The following HFM1 variants were observed in gnomAD, a reference collection of about 807,000 sequenced individuals.
HFM1 encodes the protein helicase for meiosis 1, also known as probable ATP-dependent DNA helicase HFM1.
HFM1 carries 169 observed loss-of-function variants against 192.1 expected under a neutral mutation model. That is an observed-to-expected ratio of 0.88 (90% CI 0.78 to 1.00). HFM1 has a LOEUF of 1.00. Among genes scored for constraint, HFM1 ranks in the 50% least tolerant of loss-of-function variants. The probability of loss-of-function intolerance (pLI) is 0.00; values close to 1 mark genes in which losing one functional copy is unlikely to be tolerated. For synonymous variants in HFM1, 525 were observed against 537.8 expected (o/e 0.98, Z 0.33); for missense variants, 1,661 against 1,668.0 (o/e 1.00, Z 0.07).
intron 13 of HFM1, among the ~76,000 whole-genome samples, chr1:91,362,830 C>G (rs2101841095): frequency 6.6e-6 from 1 of 152,204 alleles, no homozygotes; most frequent in South Asian, 2.1e-4. Context: ...AGAACAGACA[C>G]ATAGACCAAA....
chr1:91,368,536 C>G (rs1659707882), intron 13 of HFM1, among the ~76,000 whole-genome samples: 1 of 152,148 alleles, frequency 6.6e-6, no homozygotes, highest in African/African-American at 2.4e-5. Flanking sequence ...CCTTTACAGA[C>G]AAGCAAATGC....
Position 91,319,181 on chromosome 1 carries a change from T to C in HFM1, c.2709A>G (p.Glu903=). 2 of 1,608,918 alleles carry C rather than the reference T, an allele frequency of 1.2e-6. No individual in the cohort carries two copies. The highest frequency in any genetic ancestry group is 1.7e-6 in the Non-Finnish European group (2 of 1,178,644). Reference sequence around the variant, plus strand: ...TATTCAATAGTACAGCAAACTTCTTTTCTTGAGCAGCTACAAAATCTGACA... The same window carrying C: ...TATTCAATAGTACAGCAAACTTCTTCTCTTGAGCAGCTACAAAATCTGACA... ...RWLSDFVAAQ[E]KKFAVLLNSL... The change falls in exon 25 of 39, where the codon GAA becomes GAG. Residue 903 remains glutamate, a synonymous_variant. Coordinates refer to ENST00000370425, the MANE Select transcript of HFM1 (RefSeq NM_001017975.6).
At position 91,313,946 on chromosome 1, in the gene HFM1, A is replaced by T; in HGVS notation, c.3244+11T>A. On this transcript the variant is annotated intron_variant, in intron 29 of 38. Coordinates refer to ENST00000370425, the MANE Select transcript of HFM1 (RefSeq NM_001017975.6). ...TTTATATTCATGTCTTCATTACTTC[A>T]ATTAACTTACCAAATTCAGAACTTA... 5.6e-6 allele frequency: 8 copies of T among 1,429,694 alleles called. No individual in the cohort carries two copies. The highest frequency in any genetic ancestry group is 3.9e-6 in the Non-Finnish European group (4 of 1,022,522). 88.6% of individuals were successfully genotyped at this position (1,429,694 alleles called of 1,614,324 possible).
Position 91,398,763 on chromosome 1 carries a change from G to A in HFM1, c.71+2249C>T, listed in dbSNP as rs12022638. On this transcript the variant is annotated intron_variant, in intron 2 of 38. Coordinates refer to ENST00000370425, the MANE Select transcript of HFM1 (RefSeq NM_001017975.6). ...GTTGGAGTGCAGTGGCCAGATCTCA[G>A]ATCACCACAACCTCCACCTCCTGGG... Among the ~76,000 whole-genome samples, 4 of 151,534 alleles carry A rather than the reference G, an allele frequency of 2.6e-5. No individual in the cohort carries two copies. In the East Asian group the frequency reaches 7.8e-4, roughly 29 times the overall value.
intron 13 of HFM1, among the ~76,000 whole-genome samples, chr1:91,369,223 T>C (rs901454930): frequency 6.6e-6 from 1 of 152,108 alleles, no homozygotes; most frequent in African/African-American, 2.4e-5. Context: ...ATCCAGGAAC[T>C]GAACTCAGCA....
chr1:91,390,761 C>T (rs1161026956), intron 4 of HFM1, among the ~76,000 whole-genome samples: 3 of 152,092 alleles, frequency 2.0e-5, no homozygotes, highest in Admixed American at 2.0e-4. Flanking sequence ...CCAGGGCAAT[C>T]AGGTAGGAGA....
At chr1:91,368,407 A>C (rs1659687573) in intron 13 of HFM1, among the ~76,000 whole-genome samples, 1 of 152,254 alleles carries the variant, frequency 6.6e-6, no homozygotes, top group Non-Finnish European at 1.5e-5. Flanking sequence ...TCTCGGCAGA[A>C]ACTCTACAAA....
Position 91,396,418 on chromosome 1 carries a change from T to C in HFM1, c.72-13A>G, listed in dbSNP as rs1424954192. On this transcript the variant is annotated splice_polypyrimidine_tract_variant and intron_variant, in intron 2 of 38. Transcript: ENST00000370425. The stretch of plus-strand genomic sequence containing the variant: ...ATTGTCTGGATGGCTATATAAAATA[T>C]AAAAATGTGAGTATATATGTTAATA... The C allele has an allele frequency of 7.4e-7, 1 of 1,342,354 alleles. No individual in the cohort carries two copies. Among genetic ancestry groups the C allele is most frequent in the Admixed American group, 1.9e-5 (1 of 53,312 alleles). 83.2% of individuals were successfully genotyped at this position (1,342,354 alleles called of 1,614,324 possible).
At chr1:91,382,971 C>T (rs574851691) in intron 6 of HFM1, among the ~76,000 whole-genome samples, 4 of 152,126 alleles carry the variant, frequency 2.6e-5, no homozygotes, top group Non-Finnish European at 5.9e-5. Context: ...GATTCAAATG[C>T]AGTAAAATAT....
At chr1:91,316,231 C>G (rs994138735) in intron 26 of HFM1, 47 bp from the exon 27 acceptor site, 1 of 1,217,116 alleles carries the variant, frequency 8.2e-7, no homozygotes, top group South Asian at 1.5e-5. Context: ...ACTTGAAATT[C>G]TTTTAGTAAA....
In HFM1 at chr1:91,276,656, G is replaced by T; in HGVS notation, c.3560C>A (p.Ser1187Ter). 1 of 1,560,726 alleles carries T rather than the reference G, an allele frequency of 6.4e-7. No homozygotes were observed. Among genetic ancestry groups the T allele is most frequent in the Non-Finnish European group, 8.7e-7 (1 of 1,154,938 alleles). The change falls in exon 32 of 39, where the codon TCA becomes TAA. Residue 1187 changes from serine (S) to a stop codon, truncating the protein, a stop_gained. Coordinates refer to ENST00000370425, the MANE Select transcript of HFM1 (RefSeq NM_001017975.6). LOFTEE classifies it high-confidence loss of function. ...CAGACGTTTAACTGGAGGAACAGAT[G>T]AAACAGCATTCCTGTTTCTTAAATC... is the stretch of plus-strand genomic sequence containing the variant. ...LSDLRNRNAVSSVPPVKRLKI... is the reference protein window; with the variant it reads ...LSDLRNRNAV
chr1:91,351,251 A>C (rs1467297121), intron 17 of HFM1, among the ~76,000 whole-genome samples: 3 of 151,952 alleles, frequency 2.0e-5, no homozygotes, highest in Admixed American at 6.6e-5. Flanking sequence ...ATAAATTTAC[A>C]TAATTTCATA....
chr1:91,344,103 T>C (rs1430655661), intron 19 of HFM1, among the ~76,000 whole-genome samples: 1 of 152,236 alleles, frequency 6.6e-6, no homozygotes, highest in Non-Finnish European at 1.5e-5. Context: ...TTTTAACTGA[T>C]GCTTTTAGGT....
intron 30 of HFM1, among the ~76,000 whole-genome samples, chr1:91,303,697 G>A (rs995879583): frequency 2.0e-5 from 3 of 152,158 alleles, no homozygotes; most frequent in African/African-American, 7.2e-5. Context: ...TTTGACTAAA[G>A]CCACCCTACT....
chr1:91,338,914 C>T (rs949930478), intron 20 of HFM1: 27 of 455,626 alleles, frequency 5.9e-5, no homozygotes, highest in African/African-American at 4.8e-4. Flanking sequence ...TGCCAGTGAA[C>T]CAGGAACACC....
chr1:91,352,478 T>C, intron 16 of HFM1, 28 bp downstream of exon 16: 2 of 1,517,394 alleles, frequency 1.3e-6, no homozygotes, highest in Non-Finnish European at 1.8e-6. Flanking sequence ...TGTTTTTAAG[T>C]ATAAAAAGCA....
intron 30 of HFM1, among the ~76,000 whole-genome samples, chr1:91,293,164 C>T (rs11805032): frequency 1.5e-4 from 23 of 152,120 alleles, no homozygotes; most frequent in Non-Finnish European, 2.6e-4. Context: ...ATGTCTAAAA[C>T]ACCAAAAGCA....
chr1:91,294,002 G>C (rs1237244208), intron 30 of HFM1, among the ~76,000 whole-genome samples: 1 of 143,610 alleles, frequency 7.0e-6, no homozygotes, highest in African/African-American at 2.6e-5. Context: ...TGAACAATGA[G>C]AACACATGGA....
chr1:91,328,408 A>G, intron 20 of HFM1: 1 of 1,597,736 alleles, frequency 6.3e-7, no homozygotes, highest in Non-Finnish European at 8.5e-7. Flanking sequence ...GGCCAAACTA[A>G]TTGCTGATGT....
Sources: gnomAD v4.1 joint callset for allele counts (sites outside exome capture counted in the v4.1 genomes callset) on GRCh38, gnomAD v4.1.1 for gene constraint, MANE v1.5 for transcripts, NCBI Gene and HGNC (gene_info 2026-07-23, HGNC 2026-07-21) for gene names.